SUGCT: variants seen among roughly 807,000 people sequenced by gnomAD.
The protein encoded by SUGCT is succinyl-CoA:glutarate-CoA transferase, also known as succinyl-CoA:glutarate CoA-transferase.
SUGCT carries 41 observed loss-of-function variants against 55.0 expected under a neutral mutation model. The ratio of observed to expected loss-of-function variants is 0.74; its 90% CI spans 0.58 to 0.97. SUGCT has a LOEUF of 0.97. Ranked by LOEUF, SUGCT falls within the 50% of genes least tolerant of loss-of-function variation. The pLI is 0.00. For synonymous variants in SUGCT, 187 were observed against 200.4 expected, an observed-to-expected ratio of 0.93 and a Z score of 0.56; for missense variants, 568 against 547.8, an observed-to-expected ratio of 1.04 and a Z score of -0.37.
intron 9 of SUGCT, among the ~76,000 whole-genome samples, chr7:40,335,073 T>C (rs1248045334): frequency 6.6e-6 from 1 of 151,916 alleles, no homozygotes; most frequent in Non-Finnish European, 1.5e-5. Flanking sequence ...AGATGTGTGG[T>C]ATTGTTTCTG....
At chr7:40,193,402 A>G (rs1428267499) in intron 5 of SUGCT, among the ~76,000 whole-genome samples, 1 of 145,010 alleles carries the variant, frequency 6.9e-6, no homozygotes, top group Non-Finnish European at 1.5e-5. Context: ...CTCCTGCCTC[A>G]GCCTCCTGAG....
intron 12 of SUGCT, among the ~76,000 whole-genome samples, chr7:40,601,479 G>A (rs1798283518): frequency 6.6e-6 from 1 of 152,144 alleles, no homozygotes; most frequent in Non-Finnish European, 1.5e-5. Flanking sequence ...AAGGTTTTGA[G>A]TCTGTTGTGG....
intron 9 of SUGCT, among the ~76,000 whole-genome samples, chr7:40,334,224 T>A (rs1268432960): frequency 6.6e-6 from 1 of 152,206 alleles, no homozygotes; most frequent in Admixed American, 6.5e-5. Context: ...TGTGCATGTG[T>A]CTTTATAGCA....
chr7:40,812,558 A>G (rs557193044), intron 13 of SUGCT, among the ~76,000 whole-genome samples: 1 of 152,034 alleles, frequency 6.6e-6, no homozygotes, highest in Non-Finnish European at 1.5e-5. Context: ...TTTCTATGAG[A>G]TCAGTTGTAA....
intron 3 of SUGCT, among the ~76,000 whole-genome samples, chr7:40,183,695 G>T (rs565498526): frequency 3.3e-5 from 5 of 152,188 alleles, no homozygotes; most frequent in African/African-American, 4.8e-5. Context: ...TTTTGAAGCG[G>T]GAAACGCCTA....
At chr7:40,972,521 C>T in the SUGCT span, among the ~76,000 whole-genome samples, 2 of 152,164 alleles carry the variant, frequency 1.3e-5, no homozygotes, top group Admixed American at 6.5e-5. Context: ...CAGAGGGACA[C>T]TTTGCACACA....
At chr7:40,696,977 ATAGTGTGTAAT>A (rs375684010) in intron 12 of SUGCT, among the ~76,000 whole-genome samples, 19 of 152,182 alleles carry the variant, frequency 1.2e-4, no homozygotes, top group African/African-American at 3.6e-4. Context: ...GTTTTAGATT[ATAGTGTGTAAT>A]TAGTGTGTAA....
At chr7:40,492,908 T>C (rs1227395980) in intron 11 of SUGCT, among the ~76,000 whole-genome samples, 4 of 152,180 alleles carry the variant, frequency 2.6e-5, no homozygotes, top group Non-Finnish European at 5.9e-5. Flanking sequence ...TCTTTTTTAT[T>C]GCAATCTCCA....
chr7:40,731,288 C>G (rs1786875892), intron 12 of SUGCT, among the ~76,000 whole-genome samples: 1 of 152,098 alleles, frequency 6.6e-6, no homozygotes. Flanking sequence ...AGACAGAAGT[C>G]CAGAGAAGTT....
intron 10 of SUGCT, among the ~76,000 whole-genome samples, chr7:40,452,862 G>T (rs1789265305): frequency 6.6e-6 from 1 of 152,124 alleles, no homozygotes; most frequent in South Asian, 2.1e-4. Flanking sequence ...TACCTGGACA[G>T]AATTGCATGA....
At chr7:40,495,501 A>T (rs560852047) in intron 11 of SUGCT, among the ~76,000 whole-genome samples, 278 of 152,298 alleles carry the variant, frequency 1.8e-3, no homozygotes, top group African/African-American at 6.3e-3. Context: ...TTCATACCTT[A>T]GAAACTAATT....
chr7:40,205,394 C>T (rs1040578861), intron 6 of SUGCT, among the ~76,000 whole-genome samples: 1 of 151,898 alleles, frequency 6.6e-6, no homozygotes, highest in African/African-American at 2.4e-5. Context: ...GTAATCCCAG[C>T]ACGTTGGGAG....
chr7:40,631,820 T>C (rs1267867029), intron 12 of SUGCT, among the ~76,000 whole-genome samples: 1 of 152,160 alleles, frequency 6.6e-6, no homozygotes, highest in African/African-American at 2.4e-5. Context: ...GACCACTGAG[T>C]TGATATTCCC....
At chr7:40,278,381 A>C (rs1028029419) in intron 8 of SUGCT, among the ~76,000 whole-genome samples, 3 of 152,172 alleles carry the variant, frequency 2.0e-5, no homozygotes, top group African/African-American at 7.2e-5. Flanking sequence ...TTCCTCAGGG[A>C]TCTAGGACTA....
chr7:40,912,771 CAAA>C, the SUGCT span, among the ~76,000 whole-genome samples: 20,009 of 112,044 alleles, frequency 0.18, 1,530 homozygotes, highest in African/African-American at 0.27. Context: ...TAAACGTTTC[CAAA>C]AAAAAAAAAA....
chr7:40,568,344 C>A (rs542146605), intron 12 of SUGCT, among the ~76,000 whole-genome samples: 8 of 152,250 alleles, frequency 5.3e-5, no homozygotes, highest in African/African-American at 1.4e-4. Flanking sequence ...TGCACACACA[C>A]ACACACCCCT....
At chr7:40,163,536 C>T (rs574208849) in intron 1 of SUGCT, among the ~76,000 whole-genome samples, 386 of 148,436 alleles carry the variant, frequency 2.6e-3, no homozygotes, top group Non-Finnish European at 4.0e-3. Flanking sequence ...ACTGTGGAGG[C>T]GGAGGATGCA....
chr7:40,161,287 C>T (rs924823455), intron 1 of SUGCT, among the ~76,000 whole-genome samples: 6 of 152,158 alleles, frequency 3.9e-5, no homozygotes, highest in African/African-American at 9.7e-5. Flanking sequence ...ATCGCCCCCA[C>T]GTTTCTTCCA....
At chr7:40,197,518 T>C (rs112306159) in intron 6 of SUGCT, among the ~76,000 whole-genome samples, 5 of 152,306 alleles carry the variant, frequency 3.3e-5, no homozygotes, top group East Asian at 1.9e-4. Context: ...AAGTTGTGCA[T>C]TGGGGGACTG....
Sources: gnomAD v4.1 joint callset for allele counts (sites outside exome capture counted in the v4.1 genomes callset) on GRCh38, gnomAD v4.1.1 for gene constraint, MANE v1.5 for transcripts, NCBI Gene and HGNC (gene_info 2026-07-23, HGNC 2026-07-21) for gene names.